The following KLRG1 variants were observed in gnomAD, a reference collection of about 807,000 sequenced individuals.
KLRG1 encodes the protein killer cell lectin-like receptor subfamily G member 1.
A neutral mutation model predicts 21.8 loss-of-function variants in KLRG1; 16 were observed. The observed-to-expected ratio is 0.73, with a 90% CI of 0.50 to 1.11. KLRG1 has a LOEUF of 1.11. KLRG1 is among the 50% of genes most tolerant of loss of function. KLRG1 has a pLI of 0.00. For missense variants in KLRG1, 173 were observed against 218.3 expected (o/e 0.79, Z 1.31); for synonymous variants, 69 against 75.9 (o/e 0.91, Z 0.47).
chr12:9,180,409 G>T, the KLRG1 span, among the ~76,000 whole-genome samples: 3 of 152,116 alleles, frequency 2.0e-5, no homozygotes, highest in Non-Finnish European at 4.4e-5. Flanking sequence ...ATACTATAAG[G>T]CTACAGTAAC....
At chr12:9,200,377 TTA>T in the KLRG1 span, 2 of 1,606,372 alleles carry the variant, frequency 1.2e-6, no homozygotes, top group South Asian at 2.2e-5. Context: ...CCACAGACTG[TTA>T]TGTTCACTTT....
At chr12:9,200,301 C>A in the KLRG1 span, 2 of 1,102,856 alleles carry the variant, frequency 1.8e-6, no homozygotes, top group Non-Finnish European at 2.6e-6. Flanking sequence ...TAATTTTGTA[C>A]CTACATAATC....
the KLRG1 span, chr12:9,028,133 G>T: frequency 1.2e-5 from 9 of 751,678 alleles, no homozygotes; most frequent in Non-Finnish European, 1.6e-5. Context: ...CTGTTCTTCA[G>T]TGTCGTCGTC....
At chr12:9,202,233 C>T in the KLRG1 span, 1 of 1,237,630 alleles carries the variant, frequency 8.1e-7, no homozygotes, top group Non-Finnish European at 1.2e-6. Context: ...CTTTCATCCT[C>T]TCGCTTTTCT....
At chr12:9,091,508 T>C in the KLRG1 span, 2 of 1,456,930 alleles carry the variant, frequency 1.4e-6, no homozygotes, top group Non-Finnish European at 1.9e-6. Context: ...CTAGGAATGA[T>C]TCTACTGCCA....
At chr12:9,157,872 CA>C in the KLRG1 span, 4 of 1,559,172 alleles carry the variant, frequency 2.6e-6, no homozygotes, top group African/African-American at 5.4e-5. Context: ...TGATTAATTC[CA>C]GTGCCAAGTG....
At chr12:9,093,415 T>A in the KLRG1 span, 1 of 1,275,446 alleles carries the variant, frequency 7.8e-7, no homozygotes. Flanking sequence ...GAGTTGAAAA[T>A]AGTCAGGGAC....
At chr12:9,145,328 T>C in the KLRG1 span, among the ~76,000 whole-genome samples, 2 of 152,206 alleles carry the variant, frequency 1.3e-5, no homozygotes, top group Non-Finnish European at 2.9e-5. Flanking sequence ...TCTCTGTCTT[T>C]TGTGTAACTT....
intron 1 of KLRG1, among the ~76,000 whole-genome samples, chr12:8,984,520 C>A (rs1427636896): frequency 6.6e-6 from 1 of 152,084 alleles, no homozygotes; most frequent in Non-Finnish European, 1.5e-5. Context: ...TCCCAAAATG[C>A]TGGATTACAG....
chr12:9,203,395 G>T, the KLRG1 span, among the ~76,000 whole-genome samples: 2 of 142,928 alleles, frequency 1.4e-5, no homozygotes, highest in African/African-American at 5.2e-5. Context: ...AGGCTGGAGT[G>T]CAGTGGGGCG....
chr12:9,006,410 A>G (rs1450922428), intron 3 of KLRG1, among the ~76,000 whole-genome samples: 1 of 152,232 alleles, frequency 6.6e-6, no homozygotes, highest in Non-Finnish European at 1.5e-5. Flanking sequence ...AAGCTATGCA[A>G]AGACCTTAAA....
intron 3 of KLRG1, among the ~76,000 whole-genome samples, chr12:9,004,563 G>T (rs1039355735): frequency 1.3e-5 from 2 of 152,096 alleles, no homozygotes; most frequent in Non-Finnish European, 2.9e-5. Context: ...CAAACTCCTG[G>T]GCTCAAGTGA....
the KLRG1 span, among the ~76,000 whole-genome samples, chr12:9,141,677 A>T: frequency 1.3e-5 from 2 of 152,218 alleles, no homozygotes; most frequent in African/African-American, 4.8e-5. Flanking sequence ...AAAAATCCAC[A>T]TTCTCATGCC....
chr12:9,077,265 A>G, the KLRG1 span: 2 of 1,275,900 alleles, frequency 1.6e-6, no homozygotes, highest in Non-Finnish European at 2.2e-6. Flanking sequence ...TGCTTTTAAT[A>G]GGATAGTATT....
the KLRG1 span, among the ~76,000 whole-genome samples, chr12:9,190,989 A>T: frequency 0.029 from 4,373 of 152,272 alleles, 99 homozygotes; most frequent in Non-Finnish European, 0.042. Context: ...CTATTAAAAT[A>T]TGTGGTTAAA....
At chr12:9,174,025 AAAAG>A in the KLRG1 span, among the ~76,000 whole-genome samples, 1 of 152,224 alleles carries the variant, frequency 6.6e-6, no homozygotes, top group Non-Finnish European at 1.5e-5. Flanking sequence ...TCACAACAAA[AAAAG>A]AAAGCTTCAG....
chr12:9,148,824 A>G, the KLRG1 span: 7 of 645,166 alleles, frequency 1.1e-5, no homozygotes, highest in Non-Finnish European at 1.9e-5. Flanking sequence ...TGATGAATGA[A>G]TGATGCAACA....
At chr12:9,021,649 T>C in the KLRG1 span, among the ~76,000 whole-genome samples, 17 of 152,122 alleles carry the variant, frequency 1.1e-4, no homozygotes, top group Non-Finnish European at 1.5e-5. Flanking sequence ...TTTTTCTTTA[T>C]ATCCTTATTC....
At chr12:9,157,197 A>G in the KLRG1 span, 1 of 1,613,762 alleles carries the variant, frequency 6.2e-7, no homozygotes, top group Non-Finnish European at 8.5e-7. Context: ...CTTCCTTATC[A>G]AGTGAGTTCA....
Sources: gnomAD v4.1 joint callset for allele counts (sites outside exome capture counted in the v4.1 genomes callset) on GRCh38, gnomAD v4.1.1 for gene constraint, MANE v1.5 for transcripts, NCBI Gene and HGNC (gene_info 2026-07-23, HGNC 2026-07-21) for gene names.